The following ASAP1 variants were observed in gnomAD, a reference collection of about 807,000 sequenced individuals.
The protein encoded by ASAP1 is arf-GAP with SH3 domain, ANK repeat and PH domain-containing protein 1.
In ASAP1, 43 loss-of-function variants were observed where a neutral mutation model predicts 145.2. The observed-to-expected ratio is 0.30, with a 90% CI of 0.23 to 0.38. The LOEUF is 0.38. Ranked by LOEUF, ASAP1 falls within the 10% of genes least tolerant of loss-of-function variation. The pLI, the probability that ASAP1 is intolerant of heterozygous loss-of-function variation, is 1.00. For missense variants in ASAP1, 1,018 were observed against 1,355.3 expected, an observed-to-expected ratio of 0.75 and a Z score of 3.91; for synonymous variants, 546 against 515.5, an observed-to-expected ratio of 1.06 and a Z score of -0.80.
At chr8:130,268,158 T>C (rs1157867332) in intron 3 of ASAP1, among the ~76,000 whole-genome samples, 1 of 152,082 alleles carries the variant, frequency 6.6e-6, no homozygotes, top group African/African-American at 2.4e-5. Flanking sequence ...AAGGAACATC[T>C]CTATATGATG....
chr8:130,170,237 AG>A (rs1239722451), intron 9 of ASAP1, among the ~76,000 whole-genome samples: 5 of 151,680 alleles, frequency 3.3e-5, no homozygotes, highest in African/African-American at 1.2e-4. Flanking sequence ...CCCAGGCTGG[AG>A]TGCAGCGGCG....
intron 3 of ASAP1, among the ~76,000 whole-genome samples, chr8:130,298,347 T>A (rs947081208): frequency 6.6e-6 from 1 of 152,178 alleles, no homozygotes; most frequent in Non-Finnish European, 1.5e-5. Context: ...AGCCCTCATT[T>A]TCAAGGGTTG....
chr8:130,279,150 G>C (rs993787228), intron 3 of ASAP1, among the ~76,000 whole-genome samples: 22 of 152,256 alleles, frequency 1.4e-4, no homozygotes, highest in African/African-American at 5.3e-4. Context: ...CAATGAGACA[G>C]AGAGGGGAAA....
intron 5 of ASAP1, among the ~76,000 whole-genome samples, chr8:130,188,811 A>C (rs75505403): frequency 0.012 from 1,810 of 152,188 alleles, 18 homozygotes; most frequent in Non-Finnish European, 0.017. Context: ...ACACTATACT[A>C]CAGTACACGT....
In ASAP1 at chr8:130,358,828, G is replaced by A. The variant is rs996962996; in HGVS notation, c.60-685C>T. 1.3e-5 allele frequency among the ~76,000 whole-genome samples: 2 copies of A among 151,510 alleles called. No homozygotes were observed. The highest frequency in any genetic ancestry group is 1.3e-4 in the Admixed American group (2 of 15,216). On this transcript the variant is annotated intron_variant, in intron 2 of 29. Transcript: ENST00000518721. The surrounding 1 kb of genome is among the most constrained non-coding windows in gnomAD (Gnocchi z 4.1). ...CTCCCGACCCCGGCTGCGCGGCACG[G>A]GGGCTCCGGAAGCCCGAGTCCCTGG...
At chr8:130,441,099 G>C (rs913126500) in intron 1 of ASAP1, among the ~76,000 whole-genome samples, 1 of 152,216 alleles carries the variant, frequency 6.6e-6, no homozygotes, top group Non-Finnish European at 1.5e-5. Context: ...AATTAAAAGA[G>C]AAAGTGTGAG....
intron 3 of ASAP1, among the ~76,000 whole-genome samples, chr8:130,292,671 G>A (rs1375093340): frequency 3.3e-5 from 5 of 152,128 alleles, no homozygotes; most frequent in Non-Finnish European, 7.3e-5. Context: ...CAAATGCAAT[G>A]GCAGAAATGG....
rs534248730 is a variant in ASAP1 at position 130,296,189 on chromosome 8, GT to G, written c.187-59196del. Among the ~76,000 whole-genome samples, 6 of 152,298 alleles carry G rather than the reference GT, an allele frequency of 3.9e-5. No individual in the cohort carries two copies. In the South Asian group the frequency reaches 1.2e-3, roughly 32 times the overall value. On this transcript the variant is annotated intron_variant, in intron 3 of 29. Coordinates refer to ENST00000518721, the MANE Select transcript of ASAP1 (RefSeq NM_018482.4). ...ACCTTCCTTATGAGTCTTGCTTAGG[GT>G]ACTAGCTTCTGAAAGGACAAGACAG...
At chr8:130,180,962 A>T in intron 7 of ASAP1, 82 bp from the exon 8 acceptor site, 1 of 1,262,320 alleles carries the variant, frequency 7.9e-7, no homozygotes, top group Non-Finnish European at 1.1e-6. Flanking sequence ...AATACAAACT[A>T]TGGATTTGGG....
intron 24 of ASAP1, among the ~76,000 whole-genome samples, chr8:130,103,158 G>C (rs939460813): frequency 1.3e-4 from 20 of 151,990 alleles, no homozygotes; most frequent in African/African-American, 4.8e-4. Flanking sequence ...GTTGTTTCCA[G>C]GAATTTGTCC....
intron 16 of ASAP1, 58 bp from the exon 17 acceptor site, chr8:130,126,147 A>G: frequency 6.6e-7 from 1 of 1,517,534 alleles, no homozygotes; most frequent in Admixed American, 2.0e-5. Flanking sequence ...TTAGTGTGCC[A>G]ACTACAGAGG....
chr8:130,257,187 C>A (rs745702123), intron 3 of ASAP1, among the ~76,000 whole-genome samples: 97 of 152,180 alleles, frequency 6.4e-4, no homozygotes, highest in Non-Finnish European at 1.2e-3. Context: ...CCAAGTAAAT[C>A]TTTTATTTCT....
At chr8:130,229,040 AACAG>A (rs1817754472) in intron 4 of ASAP1, among the ~76,000 whole-genome samples, 4 of 152,314 alleles carry the variant, frequency 2.6e-5, no homozygotes, top group Admixed American at 6.5e-5. Flanking sequence ...CTGTGAATGC[AACAG>A]ACAAACTAGC....
At chr8:130,277,953 G>A (rs2137146639) in intron 3 of ASAP1, among the ~76,000 whole-genome samples, 1 of 152,026 alleles carries the variant, frequency 6.6e-6, no homozygotes, top group South Asian at 2.1e-4. Context: ...GAGCTCAAGG[G>A]AGCAAATAAA....
At chr8:130,328,570 A>C (rs187953614) in intron 3 of ASAP1, among the ~76,000 whole-genome samples, 1 of 152,058 alleles carries the variant, frequency 6.6e-6, no homozygotes, top group East Asian at 1.9e-4. Context: ...TTAAGACAAA[A>C]AGCTGTAAAA....
chr8:130,064,832 T>C (rs576821568), intron 27 of ASAP1, among the ~76,000 whole-genome samples: 1 of 152,102 alleles, frequency 6.6e-6, no homozygotes, highest in African/African-American at 2.4e-5. Flanking sequence ...TTTGACTGAT[T>C]TGCTAGAGTG....
In ASAP1 at chr8:130,270,442, T is replaced by G. The variant is rs192408953; in HGVS notation, c.187-33448A>C. 3.9e-5 allele frequency among the ~76,000 whole-genome samples: 6 copies of G among 152,384 alleles called. No homozygotes were observed. The East Asian group carries it at 1.2e-3, about 29-fold the overall frequency. On this transcript the variant is annotated intron_variant, in intron 3 of 29. Coordinates refer to ENST00000518721, the MANE Select transcript of ASAP1 (RefSeq NM_018482.4). ...GTGATCTCAAGGAATCAGCTCTGTA[T>G]GTAAAAGTATAAAGAAATAACTTCC...
chr8:130,400,482 G>A (rs565195372), intron 2 of ASAP1, among the ~76,000 whole-genome samples: 38 of 141,916 alleles, frequency 2.7e-4, no homozygotes, highest in African/African-American at 1.0e-3. Context: ...AAGAGGTAAC[G>A]TGGCATAGGA....
intron 3 of ASAP1, among the ~76,000 whole-genome samples, chr8:130,349,442 A>G (rs1825872670): frequency 6.6e-6 from 1 of 152,238 alleles, no homozygotes; most frequent in African/African-American, 2.4e-5. Context: ...ACAATCATTT[A>G]TAGAGCACTT....
Sources: gnomAD v4.1 joint callset for allele counts (sites outside exome capture counted in the v4.1 genomes callset) on GRCh38, gnomAD v4.1.1 for gene constraint, Gnocchi (gnomAD v3.1) non-coding constraint, MANE v1.5 for transcripts, NCBI Gene and HGNC (gene_info 2026-07-23, HGNC 2026-07-21) for gene names.